The following TENM2 variants were observed in gnomAD, a reference collection of about 807,000 sequenced individuals.
The protein encoded by TENM2 is teneurin transmembrane protein 2.
In TENM2, 52 loss-of-function variants were observed where a neutral mutation model predicts 245.2. That is an observed-to-expected ratio of 0.21 (90% CI 0.17 to 0.27). The LOEUF (loss-of-function observed/expected upper bound fraction) is 0.27. TENM2 is among the 10% of genes least tolerant of loss of function. The probability of loss-of-function intolerance (pLI) is 1.00; values close to 1 mark genes in which losing one functional copy is unlikely to be tolerated. For synonymous variants in TENM2, 1,363 were observed against 1,438.9 expected, an observed-to-expected ratio of 0.95 and a Z score of 1.19; for missense variants, 3,046 against 3,666.8, an observed-to-expected ratio of 0.83 and a Z score of 4.37.
intron 2 of TENM2, among the ~76,000 whole-genome samples, chr5:167,648,020 T>C (rs1193198372): frequency 1.3e-5 from 2 of 152,218 alleles, no homozygotes; most frequent in Non-Finnish European, 2.9e-5. Flanking sequence ...CCTCAGGACT[T>C]GCTACGATGT....
intron 2 of TENM2, among the ~76,000 whole-genome samples, chr5:167,414,661 G>A (rs889642356): frequency 2.6e-5 from 4 of 152,048 alleles, no homozygotes; most frequent in Non-Finnish European, 5.9e-5. Flanking sequence ...TGCAATAAAA[G>A]TGAGACATAC....
chr5:168,043,505 T>C (rs1006237066), intron 5 of TENM2, among the ~76,000 whole-genome samples: 1 of 152,214 alleles, frequency 6.6e-6, no homozygotes, highest in South Asian at 2.1e-4. Flanking sequence ...CCAAAGTATG[T>C]GCTAATTCTC....
chr5:167,242,039 GTTTTTTGT>G, the TENM2 span, among the ~76,000 whole-genome samples: 1 of 140,190 alleles, frequency 7.1e-6, no homozygotes, highest in African/African-American at 2.7e-5. Flanking sequence ...TTCTTTTTTT[GTTTTTTGT>G]TTTTTTTTTT....
Position 168,126,735 on chromosome 5 carries a change from A to G in TENM2, c.2210-19A>G, listed in dbSNP as rs1401435790. ...TCACCAGCTGTGGTGTTGAGCTGTA[A>G]TCATTGTTTTTCTTCCAGAAGTGTG... On this transcript the variant is annotated intron_variant, in intron 11 of 28. Transcript: ENST00000518659. The G allele has an allele frequency of 6.3e-7, 1 of 1,593,108 alleles. No homozygotes were observed. The highest frequency in any genetic ancestry group is 8.6e-7 in the Non-Finnish European group (1 of 1,167,566).
intron 2 of TENM2, among the ~76,000 whole-genome samples, chr5:167,642,154 A>AT (rs1371234360): frequency 6.7e-6 from 1 of 150,040 alleles, no homozygotes; most frequent in Non-Finnish European, 1.5e-5. Flanking sequence ...AAAAAAAAAA[A>AT]AATATGTATA....
intron 2 of TENM2, among the ~76,000 whole-genome samples, chr5:167,735,712 T>C (rs763848229): frequency 5.3e-5 from 8 of 152,086 alleles, no homozygotes; most frequent in Admixed American, 2.0e-4. Flanking sequence ...AGGCTGAGGT[T>C]GGAGGATCAC....
At chr5:167,734,797 G>A (rs1760689076) in intron 2 of TENM2, among the ~76,000 whole-genome samples, 1 of 152,174 alleles carries the variant, frequency 6.6e-6, no homozygotes, top group African/African-American at 2.4e-5. Context: ...CTGCACAGCA[G>A]AGGTGATTAT....
At chr5:167,136,595 CT>C in the TENM2 span, among the ~76,000 whole-genome samples, 1 of 152,136 alleles carries the variant, frequency 6.6e-6, no homozygotes, top group African/African-American at 2.4e-5. Flanking sequence ...TGATCCACCC[CT>C]ATTTCTTCTT....
intron 1 of TENM2, among the ~76,000 whole-genome samples, chr5:167,359,130 C>G (rs748586513): frequency 5.3e-5 from 8 of 152,174 alleles, no homozygotes; most frequent in Non-Finnish European, 7.3e-5. Flanking sequence ...AAGAGCAATC[C>G]TTTTAAAATG....
At chr5:167,922,613 T>C (rs1214933166) in intron 3 of TENM2, among the ~76,000 whole-genome samples, 1 of 152,210 alleles carries the variant, frequency 6.6e-6, no homozygotes, top group Non-Finnish European at 1.5e-5. Flanking sequence ...ACATATCCCT[T>C]ACAGGTGAGC....
intron 2 of TENM2, among the ~76,000 whole-genome samples, chr5:167,776,616 A>AAAAAAAAAAAAAAAAAAC (rs1561769428): frequency 2.0e-5 from 2 of 98,902 alleles, no homozygotes; most frequent in African/African-American, 8.9e-5. Flanking sequence ...AAAAAAAAAA[A>AAAAAAAAAAAAAAAAAAC]AAAAAAAAAA....
chr5:167,330,623 A>G lies in TENM2; in HGVS notation c.227-44575A>G, dbSNP rs1757385433. 2.0e-5 allele frequency among the ~76,000 whole-genome samples: 3 copies of G among 152,050 alleles called. 1 individual carries two copies. Among genetic ancestry groups the G allele is most frequent in the Admixed American group, 2.0e-4 (3 of 15,278 alleles). On this transcript the variant is annotated intron_variant, in intron 1 of 28. Coordinates refer to ENST00000518659, the Ensembl canonical transcript of TENM2. Reference sequence around the variant, plus strand: ...ATTCCACCAAGTGTTTGGCAAGGAGATCCAATACCTAAAATGGTAGCTGAA... The same window carrying G: ...ATTCCACCAAGTGTTTGGCAAGGAGGTCCAATACCTAAAATGGTAGCTGAA...
the TENM2 span, among the ~76,000 whole-genome samples, chr5:167,151,004 T>G: frequency 6.6e-6 from 1 of 152,230 alleles, no homozygotes; most frequent in Admixed American, 6.5e-5. Flanking sequence ...GTATGTCTGG[T>G]GGTTGAGTCA....
At chr5:168,079,796 G>A (rs1199671718) in intron 7 of TENM2, among the ~76,000 whole-genome samples, 2 of 152,220 alleles carry the variant, frequency 1.3e-5, no homozygotes, top group Non-Finnish European at 2.9e-5. Flanking sequence ...GATCATAGTG[G>A]ATAAGCTTTT....
rs1776290256 is a variant in TENM2, at chr5:167,597,257, TAG to T, written c.502+221785_502+221786del. Among the ~76,000 whole-genome samples, 6 of 149,492 alleles carry T rather than the reference TAG, an allele frequency of 4.0e-5. No individual in the cohort carries two copies. The South Asian group carries it at 1.3e-3, about 33-fold the overall frequency. ...TGAGCTCACTGCAATCTCCACCTCC[TAG>T]TTTCAAGTGATTCTCCTGCCTCAGC... On this transcript the variant is annotated intron_variant, in intron 2 of 28. Coordinates refer to ENST00000518659, the Ensembl canonical transcript of TENM2.
chr5:167,853,052 C>T (rs1352521794), intron 2 of TENM2, among the ~76,000 whole-genome samples: 3 of 149,986 alleles, frequency 2.0e-5, no homozygotes, highest in African/African-American at 4.9e-5. Context: ...TTTGGGAGGC[C>T]GAGGCGGGCG....
intron 5 of TENM2, 121 bp downstream of exon 7, chr5:167,993,303 A>C (rs1488361655): frequency 1.4e-6 from 1 of 732,856 alleles, no homozygotes; most frequent in Non-Finnish European, 2.2e-6. Context: ...CTCCTGAAAG[A>C]TGTGATAATG....
At position 167,499,809 on chromosome 5, in the gene TENM2, A is replaced by AGT. The variant is rs745394290; in HGVS notation, c.502+124352_502+124353dup. On this transcript the variant is annotated intron_variant, in intron 2 of 28. Coordinates refer to ENST00000518659, the Ensembl canonical transcript of TENM2. ...CTGTGTGTGTTAGTGTATGTGAGGG[A>AGT]GTGTGTGTGTGTGTGTGCATGTGTA... is the stretch of plus-strand genomic sequence containing the variant. Among the ~76,000 whole-genome samples, 686 of 142,960 alleles carry AGT rather than the reference A, an allele frequency of 4.8e-3. 1 individual carries two copies. The highest frequency in any genetic ancestry group is 9.9e-3 in the African/African-American group (382 of 38,440). 93.8% of individuals were successfully genotyped at this position (142,960 alleles called of 152,430 possible).
At chr5:167,747,890 C>T (rs1225850833) in intron 2 of TENM2, among the ~76,000 whole-genome samples, 4 of 151,904 alleles carry the variant, frequency 2.6e-5, no homozygotes, top group Non-Finnish European at 5.9e-5. Flanking sequence ...TCAAGTCCCT[C>T]TCTCTCTATT....
Sources: allele counts gnomAD v4.1 joint callset (sites outside exome capture counted in the v4.1 genomes callset), GRCh38; gene constraint gnomAD v4.1.1; transcripts MANE v1.5; gene names NCBI Gene and HGNC (gene_info 2026-07-23, HGNC 2026-07-21).